Variants in TLK2 observed in about 807,000 individuals in gnomAD.
TLK2 encodes tousled like kinase 2.
A neutral mutation model predicts 117.3 loss-of-function variants in TLK2; 6 were observed. The observed-to-expected ratio is 0.05, with a 90% CI of 0.03 to 0.10. The LOEUF is 0.10. Ranked by LOEUF, TLK2 falls within the 10% of genes least tolerant of loss-of-function variation. The pLI is 1.00. For synonymous variants in TLK2, 257 were observed against 316.7 expected, an observed-to-expected ratio of 0.81 and a Z score of 2.00; for missense variants, 299 against 901.2, an observed-to-expected ratio of 0.33 and a Z score of 8.56.
At chr17:62,488,505 A>G (rs576113820) in intron 2 of TLK2, among the ~76,000 whole-genome samples, 2 of 152,246 alleles carry the variant, frequency 1.3e-5, no homozygotes, top group South Asian at 2.1e-4. Flanking sequence ...AATGGCCTAT[A>G]CTTATATTGA....
chr17:62,566,104 A>G (rs2079766117), intron 11 of TLK2, among the ~76,000 whole-genome samples: 1 of 152,214 alleles, frequency 6.6e-6, no homozygotes, highest in African/African-American at 2.4e-5. Flanking sequence ...TCAAATTCCA[A>G]CTGTGTGACT....
intron 7 of TLK2, among the ~76,000 whole-genome samples, chr17:62,539,287 C>A (rs1230221001): frequency 6.6e-6 from 1 of 152,274 alleles, no homozygotes; most frequent in East Asian, 1.9e-4. Context: ...ACCTTCGCAT[C>A]AGACCTCATC....
chr17:62,544,605 C>G (rs554584514), intron 7 of TLK2, among the ~76,000 whole-genome samples: 5 of 152,318 alleles, frequency 3.3e-5, no homozygotes, highest in African/African-American at 9.6e-5. Context: ...GTCTGAATAA[C>G]TGTAGCTTTG....
chr17:62,568,990 C>A (rs1361318157), intron 11 of TLK2, among the ~76,000 whole-genome samples: 2 of 150,922 alleles, frequency 1.3e-5, no homozygotes, highest in Non-Finnish European at 2.9e-5. Flanking sequence ...AGAATATATT[C>A]AATCCTGGGA....
intron 19 of TLK2, among the ~76,000 whole-genome samples, chr17:62,602,983 C>T (rs894701289): frequency 6.6e-6 from 1 of 151,946 alleles, no homozygotes; most frequent in Non-Finnish European, 1.5e-5. Context: ...TTTTTTAGTC[C>T]AAATACAAGT....
At chr17:62,605,860 AC>A (rs1044309506) in intron 19 of TLK2, among the ~76,000 whole-genome samples, 7 of 151,674 alleles carry the variant, frequency 4.6e-5, no homozygotes, top group Non-Finnish European at 7.4e-5. Context: ...TTTAAAAACT[AC>A]CCAGGCATGG....
At chr17:62,508,398 A>G (rs745415570) in intron 2 of TLK2, 1 of 926,098 alleles carries the variant, frequency 1.1e-6, no homozygotes, top group Non-Finnish European at 1.3e-6. Context: ...CATTCAATTT[A>G]TGGTTTTAGG....
chr17:62,598,867 A>G (rs565228502), intron 17 of TLK2, among the ~76,000 whole-genome samples: 9 of 152,296 alleles, frequency 5.9e-5, no homozygotes, highest in Admixed American at 5.9e-4. Context: ...TGAAAGAATC[A>G]TTCCATTGAG....
At chr17:62,508,339 T>G in intron 2 of TLK2, 1 of 707,962 alleles carries the variant, frequency 1.4e-6, no homozygotes, top group Non-Finnish European at 1.7e-6. Flanking sequence ...TAGTTAAACT[T>G]AAATAATGTG....
chr17:62,512,284 A>G (rs1476550586), intron 2 of TLK2, among the ~76,000 whole-genome samples: 2 of 123,094 alleles, frequency 1.6e-5, no homozygotes, highest in Non-Finnish European at 1.6e-5. Context: ...TACAAATGGC[A>G]TGGTCTCGGC....
At chr17:62,500,839 T>G (rs1021673995) in intron 2 of TLK2, among the ~76,000 whole-genome samples, 3 of 152,172 alleles carry the variant, frequency 2.0e-5, no homozygotes, top group Non-Finnish European at 4.4e-5. Flanking sequence ...TGAAATAACA[T>G]ACTTCAAAAT....
chr17:62,483,012 G>T (rs2071873259), intron 2 of TLK2, among the ~76,000 whole-genome samples: 1 of 152,144 alleles, frequency 6.6e-6, no homozygotes, highest in South Asian at 2.1e-4. Flanking sequence ...GCCCCTGGAC[G>T]TTGTATACTG....
intron 21 of TLK2, among the ~76,000 whole-genome samples, chr17:62,609,917 A>G (rs1443010301): frequency 1.3e-5 from 2 of 152,180 alleles, no homozygotes; most frequent in East Asian, 3.9e-4. Context: ...ACACAGTGAG[A>G]CCCTGTCTCA....
intron 7 of TLK2, among the ~76,000 whole-genome samples, chr17:62,539,271 G>T (rs1463730456): frequency 2.6e-5 from 4 of 152,038 alleles, no homozygotes; most frequent in African/African-American, 9.7e-5. Context: ...TATTTCAGAG[G>T]ATATGACCTT....
chr17:62,535,325 G>T (rs2077039312), intron 6 of TLK2, among the ~76,000 whole-genome samples: 1 of 152,074 alleles, frequency 6.6e-6, no homozygotes, highest in Non-Finnish European at 1.5e-5. Flanking sequence ...ATCATTTTTA[G>T]GTTTCTGGAG....
At chr17:62,571,631 G>A (rs2080299054) in intron 11 of TLK2, among the ~76,000 whole-genome samples, 1 of 152,158 alleles carries the variant, frequency 6.6e-6, no homozygotes. Flanking sequence ...TTGAAGCCAA[G>A]GGCATAGTAT....
chr17:62,546,396 T>G (rs531423435), intron 7 of TLK2, among the ~76,000 whole-genome samples: 2 of 130,474 alleles, frequency 1.5e-5, no homozygotes, highest in Non-Finnish European at 3.3e-5. Context: ...CAGAGAAATT[T>G]TGTTTTACTG....
At chr17:62,601,588 T>G (rs2082881335) in intron 18 of TLK2, among the ~76,000 whole-genome samples, 1 of 152,246 alleles carries the variant, frequency 6.6e-6, no homozygotes, top group African/African-American at 2.4e-5. Context: ...CATAACTGAA[T>G]TCAACACTTT....
At chr17:62,524,087 CT>C (rs1489086303) in intron 5 of TLK2, 148 bp from the exon 6 acceptor site, 1 of 472,332 alleles carries the variant, frequency 2.1e-6, no homozygotes, top group Non-Finnish European at 3.7e-6. Context: ...CAGAATTTGA[CT>C]TGTGTGGCAT....
Sources: allele counts gnomAD v4.1 joint callset (sites outside exome capture counted in the v4.1 genomes callset), GRCh38; gene constraint gnomAD v4.1.1; transcripts MANE v1.5; gene names NCBI Gene and HGNC (gene_info 2026-07-23, HGNC 2026-07-21).